The following RIPOR3 variants were observed in gnomAD, a reference collection of about 807,000 sequenced individuals.
The protein encoded by RIPOR3 is family with sequence similarity 65 member C.
Under a neutral mutation model 114.3 loss-of-function variants are expected in RIPOR3, and 95 were observed. The observed-to-expected ratio is 0.83, with a 90% CI of 0.70 to 0.99. The LOEUF (loss-of-function observed/expected upper bound fraction) is 0.99, where lower values mean the gene tolerates loss of function less well. Ranked by LOEUF, RIPOR3 falls within the 50% of genes least tolerant of loss-of-function variation. The pLI, the probability that RIPOR3 is intolerant of heterozygous loss-of-function variation, is 0.00. For synonymous variants in RIPOR3, 575 were observed against 543.8 expected (o/e 1.06, Z -0.80); for missense variants, 1,252 against 1,266.9 (o/e 0.99, Z 0.18).
intron 2 of RIPOR3, among the ~76,000 whole-genome samples, chr20:50,627,566 C>T (rs2123223833): frequency 6.6e-6 from 1 of 151,352 alleles, no homozygotes; most frequent in African/African-American, 2.4e-5. Flanking sequence ...TCCTGTAATC[C>T]CAGCTACTCA....
chr20:50,689,796 T>G (rs1338550377), intron 1 of RIPOR3, among the ~76,000 whole-genome samples: 3 of 151,554 alleles, frequency 2.0e-5, no homozygotes, highest in African/African-American at 7.3e-5. Flanking sequence ...GTCCCCAAGG[T>G]GGGTGGTGGG....
chr20:50,629,086 G>T, intron 2 of RIPOR3, among the ~76,000 whole-genome samples: 1 of 152,288 alleles, frequency 6.6e-6, no homozygotes, highest in East Asian at 1.9e-4. Flanking sequence ...GAGCTCCAGC[G>T]GGAGGACACA....
intron 20 of RIPOR3, among the ~76,000 whole-genome samples, chr20:50,589,126 C>CCAGTCTAA (rs1242600969): frequency 6.8e-6 from 1 of 147,000 alleles, no homozygotes; most frequent in Non-Finnish European, 1.5e-5. Flanking sequence ...TAAAGTGCTG[C>CCAGTCTAA]CAGTCTAACA....
intron 1 of RIPOR3, among the ~76,000 whole-genome samples, chr20:50,666,227 T>TTTTCTTTTCTTTTCTTTTC (rs1355256257): frequency 2.1e-4 from 3 of 14,510 alleles, no homozygotes; most frequent in Admixed American, 1.7e-3. Flanking sequence ...CTTTTCTTTT[T>TTTTCTTTTCTTTTCTTTTC]TGAGACGGAG....
intron 1 of RIPOR3, among the ~76,000 whole-genome samples, chr20:50,652,100 G>A (rs1289657481): frequency 6.6e-6 from 1 of 152,250 alleles, no homozygotes; most frequent in Non-Finnish European, 1.5e-5. Context: ...GGGTTCTGCT[G>A]TGGAACCTCT....
At chr20:50,608,342 G>A in intron 11 of RIPOR3, 47 bp downstream of exon 11, 6 of 1,609,656 alleles carry the variant, frequency 3.7e-6, no homozygotes, top group Middle Eastern at 1.7e-4. Context: ...AGGCCACCAG[G>A]GGCAGCCAGC....
At position 50,589,688 on chromosome 20, in the gene RIPOR3, T is replaced by C. The variant is rs1568811418; in HGVS notation, c.2659A>G (p.Lys887Glu). 6.2e-7 allele frequency: 1 copy of C among 1,613,506 alleles called. No homozygotes were observed. The highest frequency in any genetic ancestry group is 8.5e-7 in the Non-Finnish European group (1 of 1,179,654). Residue 887 changes from lysine to glutamate, a missense_variant and splice_region_variant, in exon 20 of 22, where the codon AAG becomes GAG. Lys to Glu is a moderately conservative substitution (Grantham distance 56, BLOSUM62 1). Transcript: ENST00000327979. ...TAATGGGGAAACGTCAGGCTCACCTTGAGGTGTTTGAGCGCTAGGCATGCG... is the reference window on the plus strand; with the variant it reads ...TAATGGGGAAACGTCAGGCTCACCTCGAGGTGTTTGAGCGCTAGGCATGCG... ...QAACLALKHL[K>E]GIESIDQTAS...
Position 50,609,647 on chromosome 20 carries a change from C to T in RIPOR3, c.502G>A (p.Ala168Thr), listed in dbSNP as rs201472238. The T allele has an allele frequency of 1.8e-3, 2,503 of 1,398,846 alleles. 4 individuals carry two copies. Among genetic ancestry groups the T allele is most frequent in the Non-Finnish European group, 2.2e-3 (2,378 of 1,079,226 alleles). The allele number at this position is 1,398,846 out of a possible 1,614,324, so 86.7% of individuals were successfully genotyped here. ...DGASSMQRAF[A>T]RCPPSRAARE... ...GCTGCGCGGCTCGGGGGGCACCGGG[C>T]GAAGGCCCGCTGCATGCTGGAGGCG... The change falls in exon 7 of 22, where the codon GCC (alanine) becomes ACC (threonine). Residue 168 changes from alanine (A) to threonine (T), a missense_variant. Ala to Thr is a moderately conservative substitution (Grantham distance 58, BLOSUM62 0). Transcript: ENST00000327979.
At chr20:50,641,126 G>T (rs1291719245) in intron 1 of RIPOR3, among the ~76,000 whole-genome samples, 5 of 151,920 alleles carry the variant, frequency 3.3e-5, no homozygotes, top group Non-Finnish European at 1.5e-5. Context: ...GGTCAGGCTG[G>T]TCTCAAACTC....
At chr20:50,591,751 A>G (rs760557575) in intron 19 of RIPOR3, among the ~76,000 whole-genome samples, 1 of 152,228 alleles carries the variant, frequency 6.6e-6, no homozygotes, top group Non-Finnish European at 1.5e-5. Context: ...ACAGTGACCC[A>G]TTACCAGGTA....
rs185643063 is a variant in RIPOR3, at chr20:50,611,251, T to A, written c.349-47A>T. 4.0e-5 allele frequency: 64 copies of A among 1,613,602 alleles called. 1 individual carries two copies. In the African/African-American group the frequency reaches 7.3e-4, roughly 18 times the overall value. On this transcript the variant is annotated intron_variant, in intron 4 of 21. Coordinates refer to ENST00000327979, the MANE Select transcript of RIPOR3 (RefSeq NM_001290268.2). ...CGGAAGAAGCTGTCAGAGTCCCACA[T>A]GTTCCTCCAAGGCCTATGAGGCTCT... is the stretch of plus-strand genomic sequence containing the variant.
intron 4 of RIPOR3, 88 bp downstream of exon 4, chr20:50,615,914 C>A: frequency 7.8e-7 from 1 of 1,280,646 alleles, no homozygotes; most frequent in South Asian, 1.3e-5. Flanking sequence ...AGAGTCACAC[C>A]GTGACATAGG....
chr20:50,606,744 T>A (rs1026537843), intron 11 of RIPOR3, among the ~76,000 whole-genome samples: 1 of 151,926 alleles, frequency 6.6e-6, no homozygotes, highest in Non-Finnish European at 1.5e-5. Context: ...TTTTTTCTTT[T>A]TCTCTGAGAC....
At chr20:50,624,897 C>G (rs1220228290) in intron 2 of RIPOR3, among the ~76,000 whole-genome samples, 1 of 152,180 alleles carries the variant, frequency 6.6e-6, no homozygotes, top group Non-Finnish European at 1.5e-5. Flanking sequence ...CTGCCCCCAG[C>G]CTCCAGGCGG....
At chr20:50,690,983 A>G in intron 1 of RIPOR3, 143 bp downstream of exon 1, 1 of 1,078,914 alleles carries the variant, frequency 9.3e-7, no homozygotes, top group Non-Finnish European at 1.2e-6. Flanking sequence ...TCTCAGCCTC[A>G]ACCCAGGTTC....
intron 5 of RIPOR3, 71 bp from the exon 6 acceptor site, chr20:50,610,977 A>G (rs1285654661): frequency 6.9e-7 from 1 of 1,459,492 alleles, no homozygotes; most frequent in African/African-American, 1.5e-5. Flanking sequence ...TGCCCCTGCC[A>G]CCCTCCTACA....
chr20:50,678,370 C>A lies in RIPOR3; in HGVS notation c.3+12756G>T, dbSNP rs568742396. 5.9e-5 allele frequency among the ~76,000 whole-genome samples: 9 copies of A among 152,318 alleles called. No individual in the cohort carries two copies. In the South Asian group the frequency reaches 1.0e-3, roughly 18 times the overall value. On this transcript the variant is annotated intron_variant, in intron 1 of 21. Coordinates refer to ENST00000327979, the MANE Select transcript of RIPOR3 (RefSeq NM_001290268.2). The stretch of plus-strand genomic sequence containing the variant: ...CCAGATGGACACAGCAGGAATCTGT[C>A]CCACCTGGCTCAGGGAGGGCCTACC...
intron 6 of RIPOR3, among the ~76,000 whole-genome samples, chr20:50,610,237 TCCTGCCACCCCTGCCTCA>T (rs1338563246): frequency 7.9e-6 from 1 of 127,186 alleles, no homozygotes. Context: ...CTCCTGCCTC[TCCTGCCACCCCTGCCTCA>T]CCTGCTGCAT....
chr20:50,608,317 G>A, intron 11 of RIPOR3, 72 bp downstream of exon 11: 1 of 1,596,630 alleles, frequency 6.3e-7, no homozygotes, highest in African/African-American at 1.3e-5. Flanking sequence ...AGGAACCCAG[G>A]GCCAGAGTGT....
Sources: allele counts gnomAD v4.1 joint callset (sites outside exome capture counted in the v4.1 genomes callset), GRCh38; gene constraint gnomAD v4.1.1; transcripts MANE v1.5; gene names NCBI Gene and HGNC (gene_info 2026-07-23, HGNC 2026-07-21).